The following TGFBR1 variants were observed in gnomAD, a reference collection of about 807,000 sequenced individuals.
TGFBR1 encodes the protein transforming growth factor beta receptor 1.
In TGFBR1, 20 loss-of-function variants were observed where a neutral mutation model predicts 55.1. The observed-to-expected ratio is 0.36, with a 90% CI of 0.26 to 0.53. TGFBR1 has a LOEUF of 0.53. Ranked by LOEUF, TGFBR1 falls within the 20% of genes least tolerant of loss-of-function variation. The pLI, the probability that TGFBR1 is intolerant of heterozygous loss-of-function variation, is 0.91. For synonymous variants in TGFBR1, 220 were observed against 214.8 expected (o/e 1.02, Z -0.21); for missense variants, 385 against 617.6 (o/e 0.62, Z 3.99).
In TGFBR1 at chr9:99,149,052, T is replaced by C. The variant is rs1827891660; in HGVS notation, c.1387-128T>C. On this transcript the variant is annotated intron_variant, in intron 8 of 8. Transcript: ENST00000374994. Reference sequence around the variant, plus strand: ...TATGTAATTTCTACTCATTTGCTATTACAAATAATGCTTAAACAATAACAA... The same window carrying C: ...TATGTAATTTCTACTCATTTGCTATCACAAATAATGCTTAAACAATAACAA... The C allele has an allele frequency of 8.9e-6, 9 of 1,006,910 alleles. No individual in the cohort carries two copies. In the South Asian group the frequency reaches 1.2e-4, roughly 14 times the overall value. The allele number at this position is 1,006,910 out of a possible 1,614,324, so 62.4% of individuals were successfully genotyped here.
intron 1 of TGFBR1, among the ~76,000 whole-genome samples, chr9:99,115,225 C>G (rs2118350524): frequency 6.6e-6 from 1 of 151,964 alleles, no homozygotes; most frequent in African/African-American, 2.4e-5. Flanking sequence ...TACTTCAGGT[C>G]TGTTCCAGTG....
At chr9:99,106,993 A>C (rs1826432468) in intron 1 of TGFBR1, among the ~76,000 whole-genome samples, 1 of 152,202 alleles carries the variant, frequency 6.6e-6, no homozygotes, top group South Asian at 2.1e-4. Context: ...ACATTTCCAC[A>C]CCGCTATTAA....
Position 99,134,805 on chromosome 9 carries a change from TATATATA to T in TGFBR1, c.574+2067_574+2073del, listed in dbSNP as rs1827372959. 8.4e-3 allele frequency among the ~76,000 whole-genome samples: 266 copies of T among 31,790 alleles called. 10 individuals are homozygous for T. Among genetic ancestry groups the T allele is most frequent in the East Asian group, 0.018 (28 of 1,532 alleles). The allele number at this position is 31,790 out of a possible 152,430, so 20.9% of individuals were successfully genotyped here. On this transcript the variant is annotated intron_variant, in intron 3 of 8. Transcript: ENST00000374994. ...CAATGGAATAATTCTGTTTCCATTA[TATATATA>T]TATATATATATATATATATATATAT...
intron 1 of TGFBR1, among the ~76,000 whole-genome samples, chr9:99,121,525 C>T (rs1015228308): frequency 6.6e-6 from 1 of 152,076 alleles, no homozygotes; most frequent in African/African-American, 2.4e-5. Context: ...GCAGATTACT[C>T]AGAAGAACTG....
rs11466445 is a variant in TGFBR1, at chr9:99,105,255, TGGCGGC to T, written c.73_78del (p.Ala25_Ala26del). ...CGTCCCCGGCTGCTCCTCCTCGTGC[TGGCGGC>T]GGCGGCGGCGGCGGCGGCGGCGCTG... On this transcript the variant is annotated inframe_deletion, in exon 1 of 9. Transcript: ENST00000374994. 46 of 1,043,466 alleles carry T rather than the reference TGGCGGC, an allele frequency of 4.4e-5. No homozygotes were observed. The highest frequency in any genetic ancestry group is 4.5e-4 in the Middle Eastern group (1 of 2,218). The allele number at this position is 1,043,466 out of a possible 1,614,324, so 64.6% of individuals were successfully genotyped here. A position where few individuals can be genotyped will look rare whatever the true frequency, so the allele number is the denominator to read the frequency against.
At chr9:99,129,479 T>A (rs1347048019) in intron 2 of TGFBR1, among the ~76,000 whole-genome samples, 1 of 152,268 alleles carries the variant, frequency 6.6e-6, no homozygotes, top group Non-Finnish European at 1.5e-5. Context: ...TGAGTGGGGA[T>A]TCAGAGCAGC....
intron 1 of TGFBR1, among the ~76,000 whole-genome samples, chr9:99,117,738 TATG>T (rs530642352): frequency 1.6e-3 from 239 of 152,326 alleles, no homozygotes; most frequent in African/African-American, 5.4e-3. Context: ...TCTTAATTAT[TATG>T]ATGTTAGGAG....
chr9:99,134,527 G>A (rs1001809232), intron 3 of TGFBR1, among the ~76,000 whole-genome samples: 6 of 151,990 alleles, frequency 3.9e-5, no homozygotes, highest in African/African-American at 1.4e-4. Flanking sequence ...CATTCTGGAA[G>A]TCATCCTGCT....
Position 99,128,898 on chromosome 9 carries a change from T to A in TGFBR1, c.141T>A (p.Thr47=), listed in dbSNP as rs776285294. The stretch of plus-strand genomic sequence containing the variant: ...ACCTCTGTACAAAAGACAATTTTAC[T>A]TGTGTGACAGATGGGCTCTGCTTTG... The part of the protein sequence containing the change: ...FCHLCTKDNF[T]CVTDGLCFVS... Residue 47 remains threonine, a synonymous_variant, in exon 2 of 9, where the codon ACT becomes ACA. Transcript: ENST00000374994. 6.2e-7 allele frequency: 1 copy of A among 1,613,994 alleles called. No individual in the cohort carries two copies. Among genetic ancestry groups the A allele is most frequent in the Non-Finnish European group, 8.5e-7 (1 of 1,179,930 alleles).
intron 3 of TGFBR1, among the ~76,000 whole-genome samples, chr9:99,137,608 T>A (rs1409161094): frequency 6.6e-6 from 1 of 152,200 alleles, no homozygotes; most frequent in African/African-American, 2.4e-5. Flanking sequence ...TAGTCAAAAT[T>A]CAACTTACTT....
Position 99,151,451 on chromosome 9 carries a change from T to C in TGFBR1, c.*2146T>C, listed in dbSNP as rs200675329. The C allele has an allele frequency of 4.4e-6, 1 of 229,704 alleles. No homozygotes were observed. Among genetic ancestry groups the C allele is most frequent in the Non-Finnish European group, 8.6e-6 (1 of 116,280 alleles). The allele number at this position is 229,704 out of a possible 1,614,324, so 14.2% of individuals were successfully genotyped here. A position where few individuals can be genotyped will look rare whatever the true frequency, so the allele number is the denominator to read the frequency against. On this transcript the variant is annotated 3_prime_UTR_variant, in exon 9 of 9. Coordinates refer to ENST00000374994, the MANE Select transcript of TGFBR1 (RefSeq NM_004612.4). ...CCATTTCTAAGCCTACCAGATCTGC[T>C]TTATGAAATCCAGGGGACCAATGCA...
At position 99,150,652 on chromosome 9, in the gene TGFBR1, G is replaced by A. The variant is rs1294511928; in HGVS notation, c.*1347G>A. ...TTTGAGGAAGGCAGCTTTTAATTCA[G>A]TGTTTCCTTATGTGTGCGTACATTG... On this transcript the variant is annotated 3_prime_UTR_variant, in exon 9 of 9. Coordinates refer to ENST00000374994, the MANE Select transcript of TGFBR1 (RefSeq NM_004612.4). 4.7e-6 allele frequency: 1 copy of A among 212,326 alleles called. No homozygotes were observed. The allele number at this position is 212,326 out of a possible 1,614,324, so 13.2% of individuals were successfully genotyped here.
At chr9:99,144,629 G>C in intron 5 of TGFBR1, 103 bp from the exon 6 acceptor site, 1 of 1,354,038 alleles carries the variant, frequency 7.4e-7, no homozygotes, top group Non-Finnish European at 1.0e-6. Flanking sequence ...GGGCTGAAAT[G>C]CTTTGATAAT....
Position 99,138,092 on chromosome 9 carries a change from CTG to C in TGFBR1, c.805+5_805+6del, listed in dbSNP as rs2118724763. ...ATTTATAGCAGCAGACAATAAAGGT[CTG>C]TAACATTTGCTTTTCCTTATGTTAT... On this transcript the variant is annotated splice_donor_5th_base_variant and intron_variant, in intron 4 of 8. Transcript: ENST00000374994. 1.2e-6 allele frequency: 2 copies of C among 1,612,078 alleles called. No homozygotes were observed. Among genetic ancestry groups the C allele is most frequent in the Non-Finnish European group, 1.7e-6 (2 of 1,178,280 alleles).
chr9:99,132,434 T>C, intron 2 of TGFBR1, 75 bp from the exon 3 acceptor site: 1 of 1,595,220 alleles, frequency 6.3e-7, no homozygotes, highest in Admixed American at 1.7e-5. Context: ...TTGTGTAGGA[T>C]TGGGAAAATG....
upstream of TGFBR1, among the ~76,000 whole-genome samples, chr9:99,104,444 G>A (rs1826340128): frequency 2.6e-5 from 4 of 152,122 alleles, no homozygotes; most frequent in South Asian, 8.3e-4. Context: ...GCTGGGATCT[G>A]AGGACTTTCT....
At chr9:99,129,574 A>G (rs1827152953) in intron 2 of TGFBR1, among the ~76,000 whole-genome samples, 1 of 152,138 alleles carries the variant, frequency 6.6e-6, no homozygotes. Context: ...TGATTTCTAG[A>G]TTTTTGGTCC....
intron 7 of TGFBR1, 71 bp from the exon 8 acceptor site, chr9:99,147,583 G>A: frequency 7.0e-7 from 1 of 1,424,280 alleles, no homozygotes. Flanking sequence ...AGGTCTCTCA[G>A]GTGATCTTTT....
rs11568812 is a variant in TGFBR1 at position 99,150,820 on chromosome 9, G to A, written c.*1515G>A. The A allele has an allele frequency of 1.9e-3, 423 of 218,924 alleles. 1 individual carries two copies. Among genetic ancestry groups the A allele is most frequent in the African/African-American group, 8.9e-3 (398 of 44,694 alleles). 13.6% of individuals were successfully genotyped at this position (218,924 alleles called of 1,614,324 possible). On this transcript the variant is annotated 3_prime_UTR_variant, in exon 9 of 9. Transcript: ENST00000374994. ...AAATATTGAAAGCAAACTTGTCATG[G>A]TCTTCTTACATTAAGTTGAAACTAG... is the stretch of plus-strand genomic sequence containing the variant.
Sources: gnomAD v4.1 joint callset for allele counts (sites outside exome capture counted in the v4.1 genomes callset) on GRCh38, gnomAD v4.1.1 for gene constraint, MANE v1.5 for transcripts, NCBI Gene and HGNC (gene_info 2026-07-23, HGNC 2026-07-21) for gene names.